Variants in GSTCD observed in about 807,000 individuals in gnomAD.
GSTCD encodes glutathione S-transferase C-terminal domain-containing protein.
Under a neutral mutation model 68.3 loss-of-function variants are expected in GSTCD, and 44 were observed. The ratio of observed to expected loss-of-function variants is 0.64; its 90% CI spans 0.51 to 0.83. The LOEUF is 0.83. GSTCD is among the 40% of genes least tolerant of loss of function. The pLI is 0.00. For synonymous variants in GSTCD, 273 were observed against 255.2 expected, an observed-to-expected ratio of 1.07 and a Z score of -0.67; for missense variants, 739 against 735.9, an observed-to-expected ratio of 1.00 and a Z score of -0.05.
intron 5 of GSTCD, among the ~76,000 whole-genome samples, chr4:105,738,160 G>A (rs1165756177): frequency 6.6e-6 from 1 of 152,118 alleles, no homozygotes; most frequent in Non-Finnish European, 1.5e-5. Flanking sequence ...AAATTACCCA[G>A]CCCCAGATAT....
intron 5 of GSTCD, among the ~76,000 whole-genome samples, chr4:105,802,123 G>A (rs2149262215): frequency 6.6e-6 from 1 of 152,232 alleles, no homozygotes; most frequent in East Asian, 1.9e-4. Context: ...GGATAGTACA[G>A]TATATAAAAA....
intron 5 of GSTCD, among the ~76,000 whole-genome samples, chr4:105,763,477 G>A (rs1004114206): frequency 3.9e-5 from 6 of 152,236 alleles, no homozygotes; most frequent in Non-Finnish European, 8.8e-5. Context: ...AGAGAAATTA[G>A]GTTATTTGCA....
At chr4:105,709,821 C>T (rs1235451318) in intron 1 of GSTCD, among the ~76,000 whole-genome samples, 1 of 152,016 alleles carries the variant, frequency 6.6e-6, no homozygotes, top group East Asian at 1.9e-4. Flanking sequence ...ACAATGTTTA[C>T]AGGAGAAAAT....
At position 105,729,439 on chromosome 4, in the gene GSTCD, C is replaced by G; in HGVS notation, c.1180C>G (p.Pro394Ala). Residue 394 changes from proline (P) to alanine (A), a missense_variant, in exon 5 of 12, where the codon CCT (proline) becomes GCT (alanine). Physicochemically the swap from Pro to Ala is conservative, Grantham distance 27. Transcript: ENST00000515279. ...KGIEVMFSPH[P>A]CPTWTLDWNV... ...CATTGAAGTGATGTTTTCTCCCCAC[C>G]CTTGCCCTACTTGGACTCTTGATTG... 1 of 1,611,544 alleles carries G rather than the reference C, an allele frequency of 6.2e-7. No homozygotes were observed. The highest frequency in any genetic ancestry group is 2.2e-5 in the East Asian group (1 of 44,770).
intron 5 of GSTCD, among the ~76,000 whole-genome samples, chr4:105,786,485 G>A (rs1388769433): frequency 6.7e-6 from 1 of 149,378 alleles, no homozygotes; most frequent in African/African-American, 2.5e-5. Flanking sequence ...ACTGCACTCT[G>A]CCCTGGGCAA....
intron 1 of GSTCD, among the ~76,000 whole-genome samples, chr4:105,715,365 A>G (rs1202492882): frequency 6.6e-6 from 1 of 152,128 alleles, no homozygotes; most frequent in African/African-American, 2.4e-5. Context: ...ATTATCTCTC[A>G]GTGACAAAAA....
chr4:105,796,657 A>T (rs1199229223), intron 5 of GSTCD, among the ~76,000 whole-genome samples: 1 of 152,090 alleles, frequency 6.6e-6, no homozygotes, highest in African/African-American at 2.4e-5. Flanking sequence ...TTTGCTCTCC[A>T]ACCCCCTTAC....
Position 105,766,887 on chromosome 4 carries a change from C to CTTTTTTTTTTTTTTTTTTTTTT in GSTCD, c.1240+37392_1240+37413dup. On this transcript the variant is annotated intron_variant, in intron 5 of 11. Transcript: ENST00000515279. The stretch of plus-strand genomic sequence containing the variant: ...CAAAAGCATGAATAGGTTTTTGACT[C>CTTTTTTTTTTTTTTTTTTTTTT]TTTTTTTTTTTTTTTTTTTTTTTTT... 9.1e-4 allele frequency among the ~76,000 whole-genome samples: 52 copies of CTTTTTTTTTTTTTTTTTTTTTT among 57,112 alleles called. 6 individuals are homozygous for CTTTTTTTTTTTTTTTTTTTTTT. Among genetic ancestry groups the CTTTTTTTTTTTTTTTTTTTTTT allele is most frequent in the African/African-American group, 3.5e-3 (44 of 12,426 alleles). 37.5% of individuals were successfully genotyped at this position (57,112 alleles called of 152,430 possible).
intron 5 of GSTCD, among the ~76,000 whole-genome samples, chr4:105,736,337 G>A (rs1733463256): frequency 6.6e-6 from 1 of 151,966 alleles, no homozygotes; most frequent in Non-Finnish European, 1.5e-5. Context: ...TGTGGGGCTT[G>A]GATTAAGGGT....
intron 5 of GSTCD, among the ~76,000 whole-genome samples, chr4:105,770,606 A>G (rs1305026681): frequency 1.3e-5 from 2 of 152,058 alleles, no homozygotes; most frequent in Non-Finnish European, 1.5e-5. Context: ...CCCACTTATG[A>G]GTGAGAATAT....
intron 5 of GSTCD, among the ~76,000 whole-genome samples, chr4:105,778,622 C>T (rs1256202842): frequency 2.6e-5 from 4 of 152,026 alleles, no homozygotes; most frequent in Non-Finnish European, 5.9e-5. Context: ...CAGCTTACAA[C>T]AGCTGCAATT....
At chr4:105,797,924 A>G (rs1211062676) in intron 5 of GSTCD, among the ~76,000 whole-genome samples, 1 of 151,976 alleles carries the variant, frequency 6.6e-6, no homozygotes, top group Non-Finnish European at 1.5e-5. Flanking sequence ...GTGCACCACC[A>G]TACCTGGCTG....
Position 105,842,150 on chromosome 4 carries a change from G to GAGC in GSTCD, c.1765+20_1765+22dup, listed in dbSNP as rs893910790. The GAGC allele has an allele frequency of 5.6e-6, 9 of 1,607,010 alleles. No individual in the cohort carries two copies. In the East Asian group the frequency reaches 1.8e-4, roughly 32 times the overall value. ...AGGCTCATAGGTATGTGTTTTCACA[G>GAGC]AGCAGCTGTTGAGTGTATTATGCAC... On this transcript the variant is annotated intron_variant, in intron 11 of 11. Coordinates refer to ENST00000515279, the MANE Select transcript of GSTCD (RefSeq NM_001370181.1).
intron 3 of GSTCD, among the ~76,000 whole-genome samples, chr4:105,725,802 C>A (rs914494041): frequency 6.6e-6 from 1 of 151,948 alleles, no homozygotes. Context: ...CATCATTAAT[C>A]ATAGGGAAAT....
chr4:105,802,156 C>T (rs1169439686), intron 5 of GSTCD, among the ~76,000 whole-genome samples: 1 of 152,090 alleles, frequency 6.6e-6, no homozygotes, highest in African/African-American at 2.4e-5. Context: ...AAGCTTGGCA[C>T]ATCATGATAT....
chr4:105,832,404 A>G (rs1193049790), intron 8 of GSTCD, among the ~76,000 whole-genome samples: 1 of 152,226 alleles, frequency 6.6e-6, no homozygotes, highest in Non-Finnish European at 1.5e-5. Flanking sequence ...TCTATAAACT[A>G]TTGTATAGTT....
chr4:105,821,673 T>C (rs1484817927), intron 5 of GSTCD, among the ~76,000 whole-genome samples: 2 of 151,906 alleles, frequency 1.3e-5, no homozygotes, highest in Non-Finnish European at 2.9e-5. Flanking sequence ...TGGAATACTA[T>C]GCAGCCATTA....
At chr4:105,770,511 A>G (rs1489893622) in intron 5 of GSTCD, among the ~76,000 whole-genome samples, 1 of 152,002 alleles carries the variant, frequency 6.6e-6, no homozygotes, top group Non-Finnish European at 1.5e-5. Flanking sequence ...TCCTAATGCT[A>G]TCCCTCCTCT....
chr4:105,805,834 C>A (rs1722465265), intron 5 of GSTCD, among the ~76,000 whole-genome samples: 1 of 151,986 alleles, frequency 6.6e-6, no homozygotes, highest in Non-Finnish European at 1.5e-5. Flanking sequence ...TCTTTCCCTC[C>A]CCCTATGTAA....
Sources: gnomAD v4.1 joint callset for allele counts (sites outside exome capture counted in the v4.1 genomes callset) on GRCh38, gnomAD v4.1.1 for gene constraint, MANE v1.5 for transcripts, NCBI Gene and HGNC (gene_info 2026-07-23, HGNC 2026-07-21) for gene names.